NSRP1: variants seen among roughly 807,000 people sequenced by gnomAD.
The protein encoded by NSRP1 is coiled-coil domain containing 55.
Under a neutral mutation model 54.7 loss-of-function variants are expected in NSRP1, and 24 were observed. The observed-to-expected ratio is 0.44, with a 90% confidence interval of 0.32 to 0.62. The LOEUF (loss-of-function observed/expected upper bound fraction) is 0.62. NSRP1 is among the 20% of genes least tolerant of loss of function. NSRP1 has a pLI of 0.06. For missense variants in NSRP1, 596 were observed against 651.2 expected, an observed-to-expected ratio of 0.92 and a Z score of 0.92; for synonymous variants, 210 against 213.8, an observed-to-expected ratio of 0.98 and a Z score of 0.15.
chr17:30,138,456 C>T (rs993284519), intron 2 of NSRP1, among the ~76,000 whole-genome samples: 3 of 152,104 alleles, frequency 2.0e-5, no homozygotes, highest in Non-Finnish European at 2.9e-5. Flanking sequence ...AACCTATGCA[C>T]GTTCTCCCAT....
intron 2 of NSRP1, among the ~76,000 whole-genome samples, chr17:30,138,922 T>TG (rs550505681): frequency 0.02 from 2,689 of 135,688 alleles, 61 homozygotes; most frequent in Middle Eastern, 0.045. Flanking sequence ...TTTTTTTTTT[T>TG]TTTTTTTTTT....
In NSRP1 at chr17:30,130,061, C is replaced by T. The variant is rs77883463; in HGVS notation, c.114+11888C>T. 7.2e-3 allele frequency among the ~76,000 whole-genome samples: 1,088 copies of T among 152,150 alleles called. 10 individuals are homozygous for T. The highest frequency in any genetic ancestry group is 0.025 in the African/African-American group (1,054 of 41,522). ...AATTCTATTAGAAGTGGGGAGATGGCAAGAAAATTCTGTCCTCCTTATTTT... is the reference window on the plus strand; with the variant it reads ...AATTCTATTAGAAGTGGGGAGATGGTAAGAAAATTCTGTCCTCCTTATTTT... On this transcript the variant is annotated intron_variant, in intron 2 of 6. Coordinates refer to ENST00000247026, the MANE Select transcript of NSRP1 (RefSeq NM_032141.4).
intron 2 of NSRP1, among the ~76,000 whole-genome samples, chr17:30,123,241 A>T (rs1165926701): frequency 1.3e-5 from 2 of 152,164 alleles, no homozygotes; most frequent in African/African-American, 4.8e-5. Context: ...CTAGGACTAC[A>T]GGTGCAGCTG....
intron 1 of NSRP1, 50 bp from the exon 2 acceptor site, chr17:30,118,030 A>G: frequency 7.1e-7 from 1 of 1,416,428 alleles, no homozygotes; most frequent in Non-Finnish European, 1.0e-6. Flanking sequence ...TGTATTTGTT[A>G]ACATTTAAAC....
intron 2 of NSRP1, among the ~76,000 whole-genome samples, chr17:30,132,227 G>A (rs1003101308): frequency 1.6e-4 from 23 of 147,144 alleles, no homozygotes; most frequent in Admixed American, 1.4e-3. Flanking sequence ...CAGCCTGGGC[G>A]ACAGAGCGAG....
intron 2 of NSRP1, among the ~76,000 whole-genome samples, chr17:30,135,739 G>A (rs1421067226): frequency 6.6e-6 from 1 of 151,742 alleles, no homozygotes; most frequent in African/African-American, 2.4e-5. Flanking sequence ...CAAAGTGCTG[G>A]GATTACAGGC....
intron 6 of NSRP1, among the ~76,000 whole-genome samples, chr17:30,181,573 TTTG>T (rs983669345): frequency 1.4e-4 from 21 of 150,100 alleles, no homozygotes; most frequent in East Asian, 4.0e-4. Flanking sequence ...TTTTGTGTTT[TTTG>T]TTGTTGTTGT....
chr17:30,124,533 G>A (rs1260183802), intron 2 of NSRP1, among the ~76,000 whole-genome samples: 2 of 152,188 alleles, frequency 1.3e-5, no homozygotes, highest in African/African-American at 2.4e-5. Context: ...GTTAACATAG[G>A]TGATGGAAGA....
At chr17:30,181,400 T>TC (rs1905288428) in intron 6 of NSRP1, among the ~76,000 whole-genome samples, 1 of 29,910 alleles carries the variant, frequency 3.3e-5, no homozygotes, top group Non-Finnish European at 5.8e-5. Context: ...TCTTTTTTCT[T>TC]TTTTTTTTTT....
intron 2 of NSRP1, among the ~76,000 whole-genome samples, chr17:30,162,124 A>G (rs1008879730): frequency 1.3e-5 from 2 of 150,902 alleles, no homozygotes; most frequent in Non-Finnish European, 2.9e-5. Context: ...TCCCAGGTTC[A>G]GGTGATTCTC....
At chr17:30,171,931 TTC>T (rs199795009) in intron 2 of NSRP1, among the ~76,000 whole-genome samples, 80 of 41,366 alleles carry the variant, frequency 1.9e-3, no homozygotes, top group African/African-American at 7.6e-3. Flanking sequence ...CTTTCCCCAT[TTC>T]TCACACACAC....
chr17:30,155,445 T>C (rs2071952904), intron 2 of NSRP1, among the ~76,000 whole-genome samples: 1 of 152,256 alleles, frequency 6.6e-6, no homozygotes, highest in African/African-American at 2.4e-5. Context: ...TCTAGAAAAT[T>C]ACCAGTCATT....
intron 3 of NSRP1, among the ~76,000 whole-genome samples, chr17:30,174,303 T>A (rs891751187): frequency 2.0e-5 from 3 of 152,218 alleles, no homozygotes; most frequent in African/African-American, 7.2e-5. Context: ...ACCTTTCACC[T>A]GCTTTCTGCT....
At chr17:30,183,334 C>T (rs1905382723) in intron 6 of NSRP1, among the ~76,000 whole-genome samples, 2 of 152,026 alleles carry the variant, frequency 1.3e-5, no homozygotes, top group Admixed American at 1.3e-4. Flanking sequence ...GTTTATGCCC[C>T]ACTCCCTCCC....
At chr17:30,148,252 A>G (rs1383717108) in intron 2 of NSRP1, among the ~76,000 whole-genome samples, 1 of 152,170 alleles carries the variant, frequency 6.6e-6, no homozygotes, top group Non-Finnish European at 1.5e-5. Context: ...CCATTCTTGA[A>G]TTTCTGGCTT....
At chr17:30,180,663 C>T (rs970885210) in intron 5 of NSRP1, among the ~76,000 whole-genome samples, 1 of 152,082 alleles carries the variant, frequency 6.6e-6, no homozygotes, top group Non-Finnish European at 1.5e-5. Context: ...TGATCTCTGT[C>T]GCAGTTACTG....
rs777653699 is a variant in NSRP1 at position 30,178,117 on chromosome 17, A to G, written c.218A>G (p.Tyr73Cys). Residue 73 changes from tyrosine to cysteine, a missense_variant, in exon 4 of 7, where the codon TAT becomes TGT. Tyr to Cys is a radical substitution (Grantham distance 194, BLOSUM62 -2). Transcript: ENST00000247026. ...GCCCTTGCAGAAGATGCTACTGTGT[A>G]TGAATATGACAGTATTTATGATGAA... is the stretch of plus-strand genomic sequence containing the variant. ...QKALAEDATV[Y>C]EYDSIYDEMQ... The G allele has an allele frequency of 2.5e-6, 4 of 1,610,828 alleles. No homozygotes were observed. Among genetic ancestry groups the G allele is most frequent in the Non-Finnish European group, 3.4e-6 (4 of 1,178,366 alleles).
chr17:30,146,545 A>AT (rs1479986562), intron 2 of NSRP1, among the ~76,000 whole-genome samples: 10 of 151,668 alleles, frequency 6.6e-5, no homozygotes, highest in African/African-American at 2.4e-4. Flanking sequence ...TTATGAGGTA[A>AT]TTTTTTACCC....
Position 30,179,085 on chromosome 17 carries a change from C to T in NSRP1, c.301-5C>T. The T allele has an allele frequency of 2.7e-6, 4 of 1,483,224 alleles. No homozygotes were observed. Among genetic ancestry groups the T allele is most frequent in the East Asian group, 2.4e-5 (1 of 42,506 alleles). 91.9% of individuals were successfully genotyped at this position (1,483,224 alleles called of 1,614,324 possible). Reference sequence around the variant, plus strand: ...TCTTTTCCTAAATCTTTTTTATTTCCTTAGCCCAAGTATATTCACAACTTG... The same window carrying T: ...TCTTTTCCTAAATCTTTTTTATTTCTTTAGCCCAAGTATATTCACAACTTG... On this transcript the variant is annotated splice_region_variant and splice_polypyrimidine_tract_variant and intron_variant, in intron 4 of 6. Coordinates refer to ENST00000247026, the MANE Select transcript of NSRP1 (RefSeq NM_032141.4).
Sources: allele counts gnomAD v4.1 joint callset (sites outside exome capture counted in the v4.1 genomes callset), GRCh38; gene constraint gnomAD v4.1.1; transcripts MANE v1.5; gene names NCBI Gene and HGNC (gene_info 2026-07-23, HGNC 2026-07-21).